The following GABRA4 variants were observed in gnomAD, a reference collection of about 807,000 sequenced individuals.
GABRA4 encodes the protein gamma-aminobutyric acid type A receptor subunit alpha4.
A neutral mutation model predicts 49.7 loss-of-function variants in GABRA4; 12 were observed. The ratio of observed to expected loss-of-function variants is 0.24; its 90% CI spans 0.15 to 0.39. The LOEUF (loss-of-function observed/expected upper bound fraction) is 0.39. GABRA4 is among the 10% of genes least tolerant of loss of function. The pLI, the probability that GABRA4 is intolerant of heterozygous loss-of-function variation, is 1.00. For synonymous variants in GABRA4, 288 were observed against 240.2 expected, an observed-to-expected ratio of 1.20 and a Z score of -1.84; for missense variants, 506 against 686.0, an observed-to-expected ratio of 0.74 and a Z score of 2.93.
At chr4:46,932,286 A>G (rs1379085714) in intron 8 of GABRA4, among the ~76,000 whole-genome samples, 1 of 152,136 alleles carries the variant, frequency 6.6e-6, no homozygotes, top group Non-Finnish European at 1.5e-5. Flanking sequence ...TTATTCCATT[A>G]CCTCATTTTC....
At chr4:46,949,052 G>A (rs1722075391) in intron 8 of GABRA4, among the ~76,000 whole-genome samples, 1 of 152,092 alleles carries the variant, frequency 6.6e-6, no homozygotes, top group Non-Finnish European at 1.5e-5. Context: ...ACCTTGCACA[G>A]ATGTTGTAGT....
At chr4:46,963,508 A>G (rs1231524978) in intron 8 of GABRA4, among the ~76,000 whole-genome samples, 2 of 151,716 alleles carry the variant, frequency 1.3e-5, no homozygotes, top group Admixed American at 6.6e-5. Context: ...TTCTCTTACC[A>G]TCACCATGTA....
chr4:46,941,903 C>T (rs1412677146), intron 8 of GABRA4, among the ~76,000 whole-genome samples: 1 of 152,034 alleles, frequency 6.6e-6, no homozygotes, highest in African/African-American at 2.4e-5. Context: ...AGAGAGGCAT[C>T]AAATCAAGAA....
intron 8 of GABRA4, among the ~76,000 whole-genome samples, chr4:46,947,464 T>C (rs1211643795): frequency 2.6e-5 from 4 of 151,380 alleles, no homozygotes; most frequent in Non-Finnish European, 5.9e-5. Context: ...CAGTTTAAAA[T>C]GGCCTACCAC....
intron 8 of GABRA4, among the ~76,000 whole-genome samples, chr4:46,947,370 G>GA (rs552639246): frequency 6.6e-5 from 10 of 151,986 alleles, no homozygotes; most frequent in Non-Finnish European, 1.3e-4. Context: ...AGTTTTCACT[G>GA]AAAAAATAAA....
At chr4:46,948,046 T>C (rs1420599218) in intron 8 of GABRA4, among the ~76,000 whole-genome samples, 1 of 152,132 alleles carries the variant, frequency 6.6e-6, no homozygotes, top group Non-Finnish European at 1.5e-5. Flanking sequence ...AATAAATTAC[T>C]GCATCCTTTT....
intron 7 of GABRA4, among the ~76,000 whole-genome samples, chr4:46,968,752 A>G (rs1173298667): frequency 1.3e-5 from 2 of 151,572 alleles, no homozygotes; most frequent in Non-Finnish European, 3.0e-5. Context: ...GCTGTAATCA[A>G]TACTAGCCTT....
In GABRA4 at chr4:46,925,775, T is replaced by G. The variant is rs1721207525; in HGVS notation, c.*2450A>C. 6.8e-6 allele frequency: 1 copy of G among 147,848 alleles called. No homozygotes were observed. The highest frequency in any genetic ancestry group is 2.5e-5 in the African/African-American group (1 of 40,676). 9.2% of individuals were successfully genotyped at this position (147,848 alleles called of 1,614,324 possible). A position where few individuals can be genotyped will look rare whatever the true frequency, so the allele number is the denominator to read the frequency against. The stretch of plus-strand genomic sequence containing the variant: ...TTATTATTATCATCATTATTATCAT[T>G]GTGTGCAAATGAAATAATTTATTTT... On this transcript the variant is annotated 3_prime_UTR_variant, in exon 9 of 9. Coordinates refer to ENST00000264318, the MANE Select transcript of GABRA4 (RefSeq NM_000809.4).
chr4:46,965,054 T>C lies in GABRA4; in HGVS notation c.1050A>G (p.Lys350=), dbSNP rs1370080774. 3.7e-6 allele frequency: 6 copies of C among 1,611,854 alleles called. No homozygotes were observed. Among genetic ancestry groups the C allele is most frequent in the Non-Finnish European group, 4.2e-6 (5 of 1,178,744 alleles). ...GGGGCTTTGATGTCTTCCTTTTGGC[T>C]TTTTCCATTTGAATATTGGTGAAAT... ...VNYFTNIQME[K]AKRKTSKPPQ... The change falls in exon 8 of 9, where the codon AAA becomes AAG. Residue 350 remains lysine (K), a synonymous_variant. Coordinates refer to ENST00000264318, the MANE Select transcript of GABRA4 (RefSeq NM_000809.4).
At chr4:46,991,029 T>G (rs904674172) in intron 2 of GABRA4, among the ~76,000 whole-genome samples, 1 of 151,778 alleles carries the variant, frequency 6.6e-6, no homozygotes, top group Non-Finnish European at 1.5e-5. Context: ...AAAATATATT[T>G]AAAAAAATTA....
In GABRA4 at chr4:46,928,575, C is replaced by T; in HGVS notation, c.1315G>A (p.Ala439Thr). Residue 439 changes from alanine to threonine, a missense_variant, in exon 9 of 9, where the codon GCA becomes ACA. By Grantham distance (58) the Ala-to-Thr change is moderately conservative. Transcript: ENST00000264318. ...GCAGATATGGTTTCAGCTGCATTTG[C>T]ACGGCTGAATGGGTTTGGACTGGAA... Reference protein sequence around the residue: ...LASSPNPFSRANAAETISAAR... With the variant: ...LASSPNPFSRTNAAETISAAR... 1 of 1,613,658 alleles carries T rather than the reference C, an allele frequency of 6.2e-7. No homozygotes were observed. The highest frequency in any genetic ancestry group is 8.5e-7 in the Non-Finnish European group (1 of 1,179,766).
chr4:46,931,620 A>AT (rs1431231199), intron 8 of GABRA4, among the ~76,000 whole-genome samples: 5 of 152,028 alleles, frequency 3.3e-5, no homozygotes, highest in Non-Finnish European at 5.9e-5. Flanking sequence ...GTTGGAGTCT[A>AT]TTTTTCCTAA....
Position 46,992,960 on chromosome 4 carries a change from A to C in GABRA4, c.87-14T>G, listed in dbSNP as rs1432714723. 1 of 1,568,658 alleles carries C rather than the reference A, an allele frequency of 6.4e-7. No individual in the cohort carries two copies. Among genetic ancestry groups the C allele is most frequent in the Non-Finnish European group, 8.8e-7 (1 of 1,139,808 alleles). On this transcript the variant is annotated splice_polypyrimidine_tract_variant and intron_variant, in intron 1 of 8. Coordinates refer to ENST00000264318, the MANE Select transcript of GABRA4 (RefSeq NM_000809.4). Reference sequence around the variant, plus strand: ...GATTCGTTTAAACTGCAAGCGAAAAAAAAAAAACCGGGGGCGGAGGAGATT... The same window carrying C: ...GATTCGTTTAAACTGCAAGCGAAAACAAAAAAACCGGGGGCGGAGGAGATT...
rs1376859147 is a variant in GABRA4 at position 46,925,714 on chromosome 4, ATATT to A, written c.*2507_*2510del. On this transcript the variant is annotated 3_prime_UTR_variant, in exon 9 of 9. Coordinates refer to ENST00000264318, the MANE Select transcript of GABRA4 (RefSeq NM_000809.4). ...AATTCAGTTAAGGAAAGCAAACAAC[ATATT>A]ATTATTATTATTATTATTATTATTA... The A allele has an allele frequency of 2.2e-5, 3 of 139,376 alleles. No homozygotes were observed. Among genetic ancestry groups the A allele is most frequent in the Non-Finnish European group, 3.1e-5 (2 of 64,414 alleles). 8.6% of individuals were successfully genotyped at this position (139,376 alleles called of 1,614,324 possible).
intron 7 of GABRA4, among the ~76,000 whole-genome samples, 165 bp from the exon 8 acceptor site, chr4:46,965,394 CAATAAAATT>C (rs1223711243): frequency 3.3e-5 from 5 of 151,816 alleles, no homozygotes; most frequent in Non-Finnish European, 7.4e-5. Flanking sequence ...CTTAGTGGTT[CAATAAAATT>C]AGCACAGGCT....
intron 6 of GABRA4, 105 bp downstream of exon 6, chr4:46,974,127 T>C: frequency 2.7e-6 from 3 of 1,128,288 alleles, no homozygotes; most frequent in African/African-American, 3.1e-5. Flanking sequence ...CTGGAAAATG[T>C]TTGTTGTTCT....
rs1326115423 is a variant in GABRA4 at position 46,928,531 on chromosome 4, A to T, written c.1359T>A (p.Ser453=). ...ETISAARALP[S]ASPTSIRTGY... is the part of the protein sequence containing the mutation. ...CAGTTCGGATAGAAGTAGGAGAAGC[A>T]GATGGAAGTGCTCTTGCTGCAGATA... Residue 453 remains serine, a synonymous_variant, in exon 9 of 9, where the codon TCT becomes TCA. Coordinates refer to ENST00000264318, the MANE Select transcript of GABRA4 (RefSeq NM_000809.4). 1 of 1,613,710 alleles carries T rather than the reference A, an allele frequency of 6.2e-7. No individual in the cohort carries two copies. The highest frequency in any genetic ancestry group is 1.1e-5 in the South Asian group (1 of 91,082).
chr4:46,961,509 G>T (rs1560473734), intron 8 of GABRA4, among the ~76,000 whole-genome samples: 1 of 151,810 alleles, frequency 6.6e-6, no homozygotes, highest in Non-Finnish European at 1.5e-5. Flanking sequence ...CAGGATATTT[G>T]TTTTTTGGTA....
intron 8 of GABRA4, among the ~76,000 whole-genome samples, chr4:46,930,746 A>T (rs902195274): frequency 3.3e-5 from 5 of 151,844 alleles, no homozygotes; most frequent in African/African-American, 1.2e-4. Flanking sequence ...AATTCTAAGG[A>T]CTGGAGACTT....
Sources: allele counts gnomAD v4.1 joint callset (sites outside exome capture counted in the v4.1 genomes callset), GRCh38; gene constraint gnomAD v4.1.1; transcripts MANE v1.5; gene names NCBI Gene and HGNC (gene_info 2026-07-23, HGNC 2026-07-21).